The following LGSN variants were observed in gnomAD, a reference collection of about 807,000 sequenced individuals.
LGSN encodes the protein lengsin.
Under a neutral mutation model 19.5 loss-of-function variants are expected in LGSN, and 21 were observed. The observed-to-expected ratio is 1.07, with a 90% CI of 0.76 to 1.55. The LOEUF is 1.55. Ranked by LOEUF, LGSN falls within the 40% of genes most tolerant of loss-of-function variation. The probability of loss-of-function intolerance (pLI) is 0.00; values close to 1 mark genes in which losing one functional copy is unlikely to be tolerated. For missense variants in LGSN, 673 were observed against 608.5 expected, an observed-to-expected ratio of 1.11 and a Z score of -1.12; for synonymous variants, 257 against 215.6, an observed-to-expected ratio of 1.19 and a Z score of -1.68.
chr6:63,487,520 T>C, the LGSN span, among the ~76,000 whole-genome samples: 1 of 152,236 alleles, frequency 6.6e-6, no homozygotes, highest in African/African-American at 2.4e-5. Flanking sequence ...TATTTTTTGC[T>C]TTGATAACTC....
the LGSN span, among the ~76,000 whole-genome samples, chr6:63,533,477 CA>C: frequency 1.3e-5 from 2 of 152,134 alleles, no homozygotes; most frequent in African/African-American, 2.4e-5. Context: ...AAGGCTAGAA[CA>C]GAGCTCTTTA....
the LGSN span, among the ~76,000 whole-genome samples, chr6:63,329,058 AC>A: frequency 1.3e-5 from 2 of 152,184 alleles, no homozygotes; most frequent in African/African-American, 4.8e-5. Context: ...GACAACTTGT[AC>A]CCTTGATTAG....
At chr6:63,383,911 C>A in the LGSN span, among the ~76,000 whole-genome samples, 12 of 152,170 alleles carry the variant, frequency 7.9e-5, no homozygotes, top group Non-Finnish European at 1.6e-4. Flanking sequence ...CTTTCAAACT[C>A]ATTTTATCTC....
the LGSN span, among the ~76,000 whole-genome samples, chr6:63,461,354 G>C: frequency 6.6e-6 from 1 of 152,116 alleles, no homozygotes; most frequent in Non-Finnish European, 1.5e-5. Context: ...GCCCAGCCTT[G>C]TCTGTGCTCT....
In LGSN at chr6:63,280,143, G is replaced by A. The variant is rs751549413; in HGVS notation, c.1408C>T (p.Gln470Ter). ...EDALVALEED[Q>*]CLRQALGETF... Reference sequence around the variant, plus strand: ...TCTCCTAGAGCCTGTCTCAGGCATTGATCTTCTTCCAGTGCCACAAGGGCA... The same window carrying A: ...TCTCCTAGAGCCTGTCTCAGGCATTAATCTTCTTCCAGTGCCACAAGGGCA... The change falls in exon 4 of 4, where the codon CAA becomes TAA. Residue 470 changes from glutamine (Q) to a stop codon, truncating the protein, a stop_gained. Coordinates refer to ENST00000370657, the MANE Select transcript of LGSN (RefSeq NM_016571.3). LOFTEE classifies it high-confidence loss of function. 6 of 1,614,232 alleles carry A rather than the reference G, an allele frequency of 3.7e-6. No homozygotes were observed. In the Admixed American group the frequency reaches 8.3e-5, roughly 22 times the overall value.
chr6:63,333,450 G>A, the LGSN span, among the ~76,000 whole-genome samples: 14 of 150,404 alleles, frequency 9.3e-5, no homozygotes, highest in African/African-American at 2.2e-4. Context: ...AAGAGGGAAG[G>A]GGAGGAGAGG....
chr6:63,311,426 A>G (rs1468515265), intron 1 of LGSN, among the ~76,000 whole-genome samples: 1 of 152,230 alleles, frequency 6.6e-6, no homozygotes, highest in Non-Finnish European at 1.5e-5. Context: ...ATGATCTGCC[A>G]CTTCAGCCTT....
chr6:63,526,149 A>C, the LGSN span, among the ~76,000 whole-genome samples: 1 of 152,030 alleles, frequency 6.6e-6, no homozygotes, highest in South Asian at 2.1e-4. Flanking sequence ...ACATGGTGAA[A>C]TCCCGTCTCC....
the LGSN span, among the ~76,000 whole-genome samples, chr6:63,469,292 G>A: frequency 2.0e-5 from 3 of 152,268 alleles, no homozygotes; most frequent in Middle Eastern, 3.4e-3. Flanking sequence ...AGAAATAAAG[G>A]CTGCTGTTTT....
At chr6:63,560,620 T>C in the LGSN span, among the ~76,000 whole-genome samples, 11 of 152,008 alleles carry the variant, frequency 7.2e-5, no homozygotes, top group African/African-American at 2.7e-4. Context: ...GCCAGGCTGG[T>C]CTCGAACTCC....
chr6:63,394,517 A>T, the LGSN span, among the ~76,000 whole-genome samples: 3 of 152,196 alleles, frequency 2.0e-5, no homozygotes, highest in Non-Finnish European at 4.4e-5. Context: ...GGTATTGCCC[A>T]TCCCTTTCCT....
At chr6:63,470,847 A>G in the LGSN span, among the ~76,000 whole-genome samples, 1 of 152,054 alleles carries the variant, frequency 6.6e-6, no homozygotes, top group African/African-American at 2.4e-5. Flanking sequence ...AAGTACAGTG[A>G]AGAGAAAATT....
At chr6:63,320,012 T>C (rs1029822160), upstream of LGSN, 2 of 1,138,906 alleles carry the variant, frequency 1.8e-6, no homozygotes, top group Non-Finnish European at 2.7e-6. Flanking sequence ...CATGTATTTA[T>C]ATGTGTACCT....
At chr6:63,386,031 G>T in the LGSN span, among the ~76,000 whole-genome samples, 1 of 152,104 alleles carries the variant, frequency 6.6e-6, no homozygotes, top group Non-Finnish European at 1.5e-5. Flanking sequence ...GGACCAGATA[G>T]TATTCACTTA....
chr6:63,286,931 A>G (rs1039859904), intron 2 of LGSN, among the ~76,000 whole-genome samples: 5 of 152,356 alleles, frequency 3.3e-5, no homozygotes, highest in African/African-American at 1.2e-4. Flanking sequence ...ACTTAAATGC[A>G]TAAAGTGAGT....
chr6:63,370,994 T>TAC, the LGSN span, among the ~76,000 whole-genome samples: 1 of 152,178 alleles, frequency 6.6e-6, no homozygotes, highest in Non-Finnish European at 1.5e-5. Flanking sequence ...TTTTTGCGTA[T>TAC]ACATCAAAAA....
the LGSN span, among the ~76,000 whole-genome samples, chr6:63,343,962 G>C: frequency 3.0e-3 from 449 of 152,194 alleles, 3 homozygotes; most frequent in African/African-American, 0.01. Flanking sequence ...GCAGCCCCCA[G>C]AGAACCACCA....
the LGSN span, among the ~76,000 whole-genome samples, chr6:63,412,521 A>G: frequency 0.016 from 1,460 of 89,848 alleles, 11 homozygotes; most frequent in Non-Finnish European, 0.021. Context: ...AAAGAAAGAA[A>G]GAAAGAAGGA....
Position 63,294,934 on chromosome 6 carries a change from T to C in LGSN, c.142A>G (p.Thr48Ala). Residue 48 changes from threonine (T) to alanine (A), a missense_variant, in exon 2 of 4, where the codon ACG (threonine) becomes GCG (alanine). Coordinates refer to ENST00000370657, the MANE Select transcript of LGSN (RefSeq NM_016571.3). ...ATACCATTTGAATTGGACATATCCG[T>C]TTCTCCCACTTCAGTTGAACAAACA... The part of the protein sequence containing the change: ...PYVCSTEVGE[T>A]DMSNSNDCMR... 6.2e-7 allele frequency: 1 copy of C among 1,613,930 alleles called. No individual in the cohort carries two copies. Among genetic ancestry groups the C allele is most frequent in the Non-Finnish European group, 8.5e-7 (1 of 1,179,898 alleles).
Sources: allele counts gnomAD v4.1 joint callset (sites outside exome capture counted in the v4.1 genomes callset), GRCh38; gene constraint gnomAD v4.1.1; transcripts MANE v1.5; gene names NCBI Gene and HGNC (gene_info 2026-07-23, HGNC 2026-07-21).